The following ST8SIA4 variants were observed in gnomAD, a reference collection of about 807,000 sequenced individuals.
The protein encoded by ST8SIA4 is CMP-N-acetylneuraminate-poly-alpha-2,8-sialyltransferase.
Under a neutral mutation model 33.9 loss-of-function variants are expected in ST8SIA4, and 15 were observed. The observed-to-expected ratio is 0.44, with a 90% CI of 0.30 to 0.68. ST8SIA4 has a LOEUF of 0.68. Ranked by LOEUF, ST8SIA4 falls within the 30% of genes least tolerant of loss-of-function variation. The pLI, the probability that ST8SIA4 is intolerant of heterozygous loss-of-function variation, is 0.10. For missense variants in ST8SIA4, 321 were observed against 428.0 expected, an observed-to-expected ratio of 0.75 and a Z score of 2.21; for synonymous variants, 171 against 151.2, an observed-to-expected ratio of 1.13 and a Z score of -0.96.
intron 4 of ST8SIA4, among the ~76,000 whole-genome samples, chr5:100,833,908 T>C (rs929984186): frequency 6.6e-6 from 1 of 152,122 alleles, no homozygotes; most frequent in Admixed American, 6.6e-5. Flanking sequence ...AACAATATAA[T>C]TATCCAAGTG....
At chr5:100,845,733 TC>T (rs1751554770) in intron 4 of ST8SIA4, among the ~76,000 whole-genome samples, 1 of 152,010 alleles carries the variant, frequency 6.6e-6, no homozygotes, top group African/African-American at 2.4e-5. Flanking sequence ...TTAATTTATT[TC>T]CCCAGCTAAA....
intron 4 of ST8SIA4, among the ~76,000 whole-genome samples, chr5:100,820,221 C>T (rs950020991): frequency 1.4e-4 from 21 of 152,132 alleles, no homozygotes; most frequent in Non-Finnish European, 2.4e-4. Context: ...ATAAGGAACA[C>T]GGGAGTTCAT....
chr5:100,838,005 C>A (rs1295715733), intron 4 of ST8SIA4, among the ~76,000 whole-genome samples: 1 of 151,948 alleles, frequency 6.6e-6, no homozygotes, highest in Non-Finnish European at 1.5e-5. Context: ...GTTTATACTT[C>A]ATTCTACTCT....
chr5:100,838,610 GA>G (rs918400179), intron 4 of ST8SIA4, among the ~76,000 whole-genome samples: 2 of 147,600 alleles, frequency 1.4e-5, no homozygotes, highest in African/African-American at 4.9e-5. Flanking sequence ...GAGCACTAGA[GA>G]AAAAAAAACC....
At chr5:100,833,121 T>A (rs1339909226) in intron 4 of ST8SIA4, among the ~76,000 whole-genome samples, 1 of 152,156 alleles carries the variant, frequency 6.6e-6, no homozygotes. Context: ...ATAAGTTTTA[T>A]AAATTCTTAT....
intron 4 of ST8SIA4, among the ~76,000 whole-genome samples, chr5:100,854,294 G>A (rs1751766017): frequency 6.6e-6 from 1 of 151,798 alleles, no homozygotes; most frequent in South Asian, 2.1e-4. Flanking sequence ...TTATAAGAAT[G>A]CAATTTAGGC....
At chr5:100,827,027 A>G (rs1204698457) in intron 4 of ST8SIA4, among the ~76,000 whole-genome samples, 1 of 151,576 alleles carries the variant, frequency 6.6e-6, no homozygotes, top group East Asian at 1.9e-4. Context: ...TTTTGTTACC[A>G]CTTATTTGGG....
intron 4 of ST8SIA4, among the ~76,000 whole-genome samples, chr5:100,845,478 A>G (rs1465249736): frequency 6.6e-6 from 1 of 151,858 alleles, no homozygotes. Context: ...GAATAACTTA[A>G]TGCAAATTAA....
intron 4 of ST8SIA4, among the ~76,000 whole-genome samples, chr5:100,827,047 A>G (rs17723545): frequency 0.28 from 42,686 of 151,550 alleles, 6,258 homozygotes; most frequent in Non-Finnish European, 0.32. Context: ...GCACACTTGT[A>G]GGGTGATACA....
At chr5:100,821,092 TGAA>T (rs998868952) in intron 4 of ST8SIA4, among the ~76,000 whole-genome samples, 1 of 151,728 alleles carries the variant, frequency 6.6e-6, no homozygotes, top group Non-Finnish European at 1.5e-5. Flanking sequence ...TGAAGCATGA[TGAA>T]GGAGTTAAAT....
chr5:100,879,354 G>T (rs17160844), intron 3 of ST8SIA4, among the ~76,000 whole-genome samples: 14,080 of 152,076 alleles, frequency 0.093, 1,374 homozygotes, highest in African/African-American at 0.23. Flanking sequence ...ATAGAGAAAG[G>T]TTTAGAAATT....
At chr5:100,866,071 C>CT in intron 3 of ST8SIA4, among the ~76,000 whole-genome samples, 1 of 152,200 alleles carries the variant, frequency 6.6e-6, no homozygotes, top group East Asian at 1.9e-4. Context: ...ATTCTCAGTG[C>CT]CTTCAGAATT....
At chr5:100,839,525 C>T (rs906273620) in intron 4 of ST8SIA4, among the ~76,000 whole-genome samples, 3 of 151,732 alleles carry the variant, frequency 2.0e-5, no homozygotes, top group African/African-American at 4.8e-5. Flanking sequence ...ACTATAAATC[C>T]CTAGCTACAA....
At chr5:100,836,708 G>T (rs960282613) in intron 4 of ST8SIA4, among the ~76,000 whole-genome samples, 20 of 151,730 alleles carry the variant, frequency 1.3e-4, no homozygotes, top group Admixed American at 9.2e-4. Flanking sequence ...TAAAGAAAAC[G>T]AAATTTAAAC....
At chr5:100,850,567 G>T (rs1490562410) in intron 4 of ST8SIA4, among the ~76,000 whole-genome samples, 1 of 151,706 alleles carries the variant, frequency 6.6e-6, no homozygotes. Flanking sequence ...GAATTAAAAC[G>T]TAAATATTTT....
At chr5:100,851,789 T>A (rs1430980788) in intron 4 of ST8SIA4, among the ~76,000 whole-genome samples, 17 of 151,992 alleles carry the variant, frequency 1.1e-4, no homozygotes, top group Non-Finnish European at 1.5e-5. Flanking sequence ...AGTAAGAAAA[T>A]TAAGTATAAT....
chr5:100,872,888 A>C (rs982215672), intron 3 of ST8SIA4, among the ~76,000 whole-genome samples: 12 of 151,918 alleles, frequency 7.9e-5, no homozygotes, highest in Non-Finnish European at 1.8e-4. Flanking sequence ...AAAAAAAAAA[A>C]AAAAAAATCA....
intron 4 of ST8SIA4, among the ~76,000 whole-genome samples, chr5:100,851,173 C>G (rs1041246601): frequency 1.3e-5 from 2 of 151,804 alleles, no homozygotes; most frequent in Non-Finnish European, 2.9e-5. Context: ...GTTGGCCAGG[C>G]TGGTCTCAAA....
At chr5:100,859,858 C>A (rs578003177) in intron 3 of ST8SIA4, among the ~76,000 whole-genome samples, 1 of 152,194 alleles carries the variant, frequency 6.6e-6, no homozygotes, top group East Asian at 1.9e-4. Context: ...ATGTATGCAA[C>A]TAGGAGATCC....
Sources: gnomAD v4.1 joint callset for allele counts (sites outside exome capture counted in the v4.1 genomes callset) on GRCh38, gnomAD v4.1.1 for gene constraint, MANE v1.5 for transcripts, NCBI Gene and HGNC (gene_info 2026-07-23, HGNC 2026-07-21) for gene names.